Variants in CNOT6L observed in about 807,000 individuals in gnomAD.
CNOT6L encodes the protein CCR4-NOT transcription complex subunit 6-like.
Under a neutral mutation model 64.0 loss-of-function variants are expected in CNOT6L, and 7 were observed. The ratio of observed to expected loss-of-function variants is 0.11; its 90% CI spans 0.06 to 0.21. CNOT6L has a LOEUF of 0.21. Among genes scored for constraint, CNOT6L ranks in the 10% least tolerant of loss-of-function variants. CNOT6L has a pLI of 1.00. For synonymous variants in CNOT6L, 193 were observed against 243.4 expected (o/e 0.79, Z 1.93); for missense variants, 245 against 669.0 (o/e 0.37, Z 6.99).
Position 77,744,849 on chromosome 4 carries a change from C to T in CNOT6L, c.586G>A (p.Val196Met), listed in dbSNP as rs1724018292. ...SASFTVMCYN[V>M]LCDKYATRQL... ...CGGGTAGCGTATTTATCACATAACA[C>T]ATTGTAACACATAACCGTGAATGAT... The change falls in exon 7 of 12, where the codon GTG (valine) becomes ATG (methionine). Residue 196 changes from valine to methionine, a missense_variant. This residue lies in a region of CNOT6L where 94 missense variants were observed against 290.9 expected (regional missense o/e 0.32). Coordinates refer to ENST00000504123, the MANE Select transcript of CNOT6L (RefSeq NM_144571.3). The T allele has an allele frequency of 6.2e-7, 1 of 1,610,834 alleles. No homozygotes were observed. Among genetic ancestry groups the T allele is most frequent in the South Asian group, 1.1e-5 (1 of 90,366 alleles).
At position 77,714,432 on chromosome 4, in the gene CNOT6L, T is replaced by A. The variant is rs528911352; in HGVS notation, c.*5999A>T. On this transcript the variant is annotated 3_prime_UTR_variant, in exon 12 of 12. Coordinates refer to ENST00000504123, the MANE Select transcript of CNOT6L (RefSeq NM_144571.3). ...ATAGAGAGAAAAAGTACATACACACTCTCTTTAAAAAAAAAAAAAAAAAAA... is the reference window on the plus strand; with the variant it reads ...ATAGAGAGAAAAAGTACATACACACACTCTTTAAAAAAAAAAAAAAAAAAA... 3 of 84,780 alleles carry A rather than the reference T, an allele frequency of 3.5e-5. No individual in the cohort carries two copies. Among genetic ancestry groups the A allele is most frequent in the East Asian group, 3.5e-4 (1 of 2,884 alleles). The allele number at this position is 84,780 out of a possible 1,614,324, so 5.3% of individuals were successfully genotyped here.
chr4:77,812,797 C>T (rs1733107046), intron 1 of CNOT6L, among the ~76,000 whole-genome samples: 1 of 152,136 alleles, frequency 6.6e-6, no homozygotes, highest in African/African-American at 2.4e-5. Flanking sequence ...TTCCAGCTGA[C>T]TTCTTTGCAG....
chr4:77,784,107 C>A (rs1448431636), intron 1 of CNOT6L, among the ~76,000 whole-genome samples: 1 of 151,960 alleles, frequency 6.6e-6, no homozygotes, highest in Non-Finnish European at 1.5e-5. Flanking sequence ...CTCTGGAAAG[C>A]GATGAGGGCA....
intron 5 of CNOT6L, among the ~76,000 whole-genome samples, chr4:77,749,508 T>C (rs551717361): frequency 1.3e-5 from 2 of 152,296 alleles, no homozygotes; most frequent in Non-Finnish European, 2.9e-5. Flanking sequence ...CTGGCTTGCT[T>C]AAAAATTCAG....
chr4:77,783,215 AT>A (rs1729086325), intron 1 of CNOT6L, among the ~76,000 whole-genome samples: 2 of 152,028 alleles, frequency 1.3e-5, no homozygotes, highest in African/African-American at 4.8e-5. Flanking sequence ...ATTGAAAAAA[AT>A]AACCTTCAGA....
intron 4 of CNOT6L, among the ~76,000 whole-genome samples, chr4:77,766,718 A>T (rs1400242511): frequency 6.6e-6 from 1 of 151,812 alleles, no homozygotes; most frequent in Non-Finnish European, 1.5e-5. Flanking sequence ...CCAATAGCAA[A>T]TAGGAAATAA....
intron 1 of CNOT6L, among the ~76,000 whole-genome samples, chr4:77,802,927 T>G (rs1731757324): frequency 1.3e-5 from 2 of 152,170 alleles, no homozygotes; most frequent in Non-Finnish European, 2.9e-5. Context: ...AATCTTGGGG[T>G]GCAGAAAACT....
intron 1 of CNOT6L, among the ~76,000 whole-genome samples, chr4:77,818,801 C>T (rs774805269): frequency 6.2e-4 from 94 of 151,934 alleles, no homozygotes; most frequent in Non-Finnish European, 9.3e-4. Flanking sequence ...GGTGGGCGGG[C>T]GCCCAGGCAG....
At chr4:77,723,304 T>A (rs554215865) in intron 11 of CNOT6L, among the ~76,000 whole-genome samples, 4 of 152,312 alleles carry the variant, frequency 2.6e-5, no homozygotes, top group African/African-American at 9.6e-5. Context: ...TCTAAATAAC[T>A]CTTTTCTACA....
At chr4:77,809,364 C>A (rs1167948972) in intron 1 of CNOT6L, among the ~76,000 whole-genome samples, 1 of 152,112 alleles carries the variant, frequency 6.6e-6, no homozygotes, top group African/African-American at 2.4e-5. Context: ...TTCTACATTT[C>A]TTTTTATTCC....
intron 1 of CNOT6L, among the ~76,000 whole-genome samples, chr4:77,779,061 A>C (rs1728516278): frequency 1.1e-5 from 1 of 89,278 alleles, no homozygotes; most frequent in South Asian, 3.3e-4. Flanking sequence ...AAAAAAAAAA[A>C]ACAAAAAAAA....
intron 4 of CNOT6L, among the ~76,000 whole-genome samples, chr4:77,766,574 G>T (rs1279092667): frequency 1.3e-5 from 2 of 151,664 alleles, no homozygotes; most frequent in African/African-American, 2.4e-5. Context: ...TTCAGCAGAT[G>T]AAATGATTAC....
chr4:77,760,236 C>T (rs2110012421), intron 4 of CNOT6L, among the ~76,000 whole-genome samples: 1 of 152,086 alleles, frequency 6.6e-6, no homozygotes, highest in South Asian at 2.1e-4. Context: ...TTTAACTGGG[C>T]ATGGTGGTGT....
chr4:77,819,049 G>GACACACACACACACACCCACACACAC, intron 1 of CNOT6L: 1 of 522,720 alleles, frequency 1.9e-6, no homozygotes. Context: ...GGCCACCCCC[G>GACACACACACACACACCCACACACAC]ACACACACAC....
At chr4:77,783,236 T>C (rs1358827281) in intron 1 of CNOT6L, among the ~76,000 whole-genome samples, 1 of 151,328 alleles carries the variant, frequency 6.6e-6, no homozygotes, top group Non-Finnish European at 1.5e-5. Flanking sequence ...ACTTTTGAAG[T>C]CTAATGTTTC....
chr4:77,724,144 TGC>T (rs1431279439), intron 11 of CNOT6L, among the ~76,000 whole-genome samples: 1 of 151,468 alleles, frequency 6.6e-6, no homozygotes, highest in Non-Finnish European at 1.5e-5. Flanking sequence ...AAGACCAGCC[TGC>T]GCAACATGGT....
rs189943202 is a variant in CNOT6L at position 77,728,749 on chromosome 4, T to C, written c.1252+105A>G. The C allele has an allele frequency of 9.7e-6, 8 of 821,138 alleles. No individual in the cohort carries two copies. In the East Asian group the frequency reaches 1.5e-4, roughly 15 times the overall value. The allele number at this position is 821,138 out of a possible 1,614,324, so 50.9% of individuals were successfully genotyped here. On this transcript the variant is annotated intron_variant, in intron 10 of 11. Transcript: ENST00000504123. ...TTGTGTCCCATCCATGGAATTCTTA[T>C]GATACATTCCTTAATTTATCTACTC...
At chr4:77,738,859 G>C (rs1723268434) in intron 8 of CNOT6L, among the ~76,000 whole-genome samples, 1 of 151,712 alleles carries the variant, frequency 6.6e-6, no homozygotes, top group Non-Finnish European at 1.5e-5. Context: ...AAATGCTTTG[G>C]AACGTAAATA....
chr4:77,748,002 T>C lies in CNOT6L; in HGVS notation c.559+314A>G, dbSNP rs144397385. Among the ~76,000 whole-genome samples, 418 of 152,272 alleles carry C rather than the reference T, an allele frequency of 2.7e-3. 7 individuals are homozygous for C. Among genetic ancestry groups the C allele is most frequent in the East Asian group, 0.026 (134 of 5,182 alleles). On this transcript the variant is annotated intron_variant, in intron 6 of 11. Transcript: ENST00000504123. ...AGATGCCATTTGGAAAGCTGTATTA[T>C]AGAAATAATTTTAAAACCAAGGGCT...
Sources: allele counts gnomAD v4.1 joint callset (sites outside exome capture counted in the v4.1 genomes callset), GRCh38; gene constraint gnomAD v4.1.1; regional missense constraint gnomAD v4.1.1; transcripts MANE v1.5; gene names NCBI Gene and HGNC (gene_info 2026-07-23, HGNC 2026-07-21).